Variants in BZW2 observed in about 807,000 individuals in gnomAD.
BZW2 encodes the protein eIF5-mimic protein 1.
In BZW2, 23 loss-of-function variants were observed where a neutral mutation model predicts 53.2. The observed-to-expected ratio is 0.43, with a 90% confidence interval of 0.31 to 0.61. BZW2 has a LOEUF of 0.61. BZW2 is among the 20% of genes least tolerant of loss of function. BZW2 has a pLI of 0.09. For missense variants in BZW2, 409 were observed against 503.1 expected (o/e 0.81, Z 1.79); for synonymous variants, 227 against 186.4 (o/e 1.22, Z -1.77).
intron 1 of BZW2, among the ~76,000 whole-genome samples, chr7:16,647,747 G>T (rs551418263): frequency 2.8e-4 from 42 of 152,212 alleles, no homozygotes; most frequent in Admixed American, 2.5e-3. Flanking sequence ...AGTATCATGC[G>T]GAAGAAACCC....
At chr7:16,647,608 A>C (rs1781899362) in intron 1 of BZW2, among the ~76,000 whole-genome samples, 1 of 152,230 alleles carries the variant, frequency 6.6e-6, no homozygotes, top group Admixed American at 6.5e-5. Flanking sequence ...ATCTCAGTGT[A>C]TAACAAAGAT....
At chr7:16,652,756 C>G (rs1194691424) in intron 1 of BZW2, among the ~76,000 whole-genome samples, 1 of 152,128 alleles carries the variant, frequency 6.6e-6, no homozygotes, top group African/African-American at 2.4e-5. Context: ...AACACCTGAC[C>G]TCAGGTGATT....
chr7:16,667,916 T>A (rs1249404067), intron 2 of BZW2, among the ~76,000 whole-genome samples: 1 of 152,196 alleles, frequency 6.6e-6, no homozygotes, highest in African/African-American at 2.4e-5. Flanking sequence ...GAAGCAGATA[T>A]CAAACACAAA....
chr7:16,647,358 G>A (rs1325667549), intron 1 of BZW2, among the ~76,000 whole-genome samples: 3 of 152,184 alleles, frequency 2.0e-5, no homozygotes, highest in African/African-American at 7.2e-5. Flanking sequence ...CAGGACCACT[G>A]TTTCTTCTCA....
intron 1 of BZW2, among the ~76,000 whole-genome samples, chr7:16,647,833 A>G (rs79761891): frequency 0.047 from 7,196 of 152,372 alleles, 260 homozygotes; most frequent in South Asian, 0.11. Flanking sequence ...ATGCATACAC[A>G]TAATTGGGTA....
At chr7:16,705,435 CA>C (rs1481290331) in intron 11 of BZW2, among the ~76,000 whole-genome samples, 1 of 152,002 alleles carries the variant, frequency 6.6e-6, no homozygotes, top group East Asian at 1.9e-4. Context: ...CCTGTAATCC[CA>C]GCACTTTGGG....
intron 3 of BZW2, among the ~76,000 whole-genome samples, chr7:16,679,965 G>A (rs563570888): frequency 2.0e-5 from 3 of 152,210 alleles, no homozygotes; most frequent in African/African-American, 7.2e-5. Context: ...AATATGGAAA[G>A]TTATTGAAGA....
chr7:16,678,274 C>T lies in BZW2; in HGVS notation c.236-3027C>T, dbSNP rs534488629. Among the ~76,000 whole-genome samples the T allele has an allele frequency of 3.3e-5, 5 of 151,682 alleles. No homozygotes were observed. The East Asian group carries it at 5.8e-4, about 18-fold the overall frequency. On this transcript the variant is annotated intron_variant, in intron 3 of 11. Coordinates refer to ENST00000258761, the MANE Select transcript of BZW2 (RefSeq NM_014038.3). Reference sequence around the variant, plus strand: ...TTTCCACCATGTTGGCTAGGCTGGTCTCGAACTCCTGACCTCAGGTGATCT... The same window carrying T: ...TTTCCACCATGTTGGCTAGGCTGGTTTCGAACTCCTGACCTCAGGTGATCT...
chr7:16,670,536 G>T (rs901694298), intron 2 of BZW2, among the ~76,000 whole-genome samples: 5 of 152,212 alleles, frequency 3.3e-5, no homozygotes, highest in African/African-American at 4.8e-5. Context: ...TAATATAACA[G>T]CATGTAGTTG....
At chr7:16,657,814 C>G (rs964973175) in intron 1 of BZW2, among the ~76,000 whole-genome samples, 1 of 152,154 alleles carries the variant, frequency 6.6e-6, no homozygotes, top group Non-Finnish European at 1.5e-5. Context: ...CAGGGACCAC[C>G]TCTGGCTTTG....
intron 8 of BZW2, among the ~76,000 whole-genome samples, chr7:16,695,699 A>G (rs1371212353): frequency 6.6e-6 from 1 of 152,212 alleles, no homozygotes; most frequent in East Asian, 1.9e-4. Flanking sequence ...AAAAATTAAT[A>G]TAAAGCGTCC....
chr7:16,683,134 T>G (rs1056910235), intron 5 of BZW2, among the ~76,000 whole-genome samples: 2 of 152,046 alleles, frequency 1.3e-5, no homozygotes, highest in Admixed American at 1.3e-4. Context: ...CAGCAGAGGC[T>G]TCAGTAAGCC....
chr7:16,665,388 T>C (rs2128354402), intron 1 of BZW2, 49 bp from the exon 2 acceptor site: 1 of 1,610,138 alleles, frequency 6.2e-7, no homozygotes, highest in East Asian at 2.2e-5. Flanking sequence ...ATGTTTTCCA[T>C]ATAAACTGCT....
chr7:16,685,870 C>CTTTT, intron 5 of BZW2, 35 bp from the exon 6 acceptor site: 2 of 1,426,540 alleles, frequency 1.4e-6, no homozygotes, highest in Non-Finnish European at 1.8e-6. Flanking sequence ...TTTTCTTTTT[C>CTTTT]TTTTTCTTTT....
intron 3 of BZW2, among the ~76,000 whole-genome samples, chr7:16,678,062 T>A (rs979305494): frequency 6.7e-6 from 1 of 149,100 alleles, no homozygotes; most frequent in African/African-American, 2.5e-5. Flanking sequence ...TTCCTGACAC[T>A]CACAATTTAC....
chr7:16,698,403 G>A, intron 10 of BZW2: 1 of 481,944 alleles, frequency 2.1e-6, no homozygotes, highest in Non-Finnish European at 3.6e-6. Flanking sequence ...TTAGGCCCCT[G>A]GGCACTTCTC....
intron 1 of BZW2, among the ~76,000 whole-genome samples, 172 bp from the exon 2 acceptor site, chr7:16,665,265 C>T (rs1265179495): frequency 1.3e-5 from 2 of 151,508 alleles, no homozygotes; most frequent in Non-Finnish European, 2.9e-5. Context: ...GAGATCACAC[C>T]ACTGCACTCC....
chr7:16,678,310 G>A, intron 3 of BZW2, among the ~76,000 whole-genome samples: 1 of 151,826 alleles, frequency 6.6e-6, no homozygotes, highest in East Asian at 1.9e-4. Context: ...GTCCCAAAGT[G>A]CTGGGATTAC....
intron 11 of BZW2, among the ~76,000 whole-genome samples, chr7:16,705,839 T>C (rs932421187): frequency 2.8e-4 from 42 of 151,660 alleles, no homozygotes; most frequent in African/African-American, 9.2e-4. Context: ...TATTTGTATA[T>C]GTATGCATGT....
Sources: allele counts gnomAD v4.1 joint callset (sites outside exome capture counted in the v4.1 genomes callset), GRCh38; gene constraint gnomAD v4.1.1; transcripts MANE v1.5; gene names NCBI Gene and HGNC (gene_info 2026-07-23, HGNC 2026-07-21).